Variants in PTK2 observed in about 807,000 individuals in gnomAD.
The protein encoded by PTK2 is protein tyrosine kinase 2, also known as focal adhesion kinase 1.
In PTK2, 45 loss-of-function variants were observed where a neutral mutation model predicts 150.1. The observed-to-expected ratio is 0.30, with a 90% CI of 0.24 to 0.38. The LOEUF (loss-of-function observed/expected upper bound fraction) is 0.38, where lower values mean the gene tolerates loss of function less well. Ranked by LOEUF, PTK2 falls within the 10% of genes least tolerant of loss-of-function variation. PTK2 has a pLI of 1.00. For synonymous variants in PTK2, 432 were observed against 449.2 expected (o/e 0.96, Z 0.48); for missense variants, 919 against 1,307.3 (o/e 0.70, Z 4.58).
intron 2 of PTK2, among the ~76,000 whole-genome samples, chr8:140,901,668 A>C (rs1458773681): frequency 6.7e-6 from 1 of 149,248 alleles, no homozygotes; most frequent in East Asian, 2.0e-4. Context: ...TTTTTTTTTA[A>C]ATACTTTTAA....
chr8:140,815,274 T>C (rs186048708), intron 10 of PTK2, among the ~76,000 whole-genome samples: 1 of 149,858 alleles, frequency 6.7e-6, no homozygotes, highest in African/African-American at 2.4e-5. Context: ...TGGATGGAGC[T>C]GGAGGCCATT....
chr8:140,996,067 T>C (rs1312867576), intron 1 of PTK2, among the ~76,000 whole-genome samples: 2 of 151,696 alleles, frequency 1.3e-5, no homozygotes, highest in Non-Finnish European at 2.9e-5. Flanking sequence ...AGTGAGACTG[T>C]GTCTCTTAAA....
rs576278103 is a variant in PTK2 at position 140,847,716 on chromosome 8, C to T, written c.451-1038G>A. On this transcript the variant is annotated intron_variant, in intron 5 of 31. Coordinates refer to ENST00000522684, the Ensembl canonical transcript of PTK2. ...TACTTTCATAATACCCTGCATTTTG[C>T]CTCGTTCCTGAAAGTCTAAACTATT... is the stretch of plus-strand genomic sequence containing the variant. Among the ~76,000 whole-genome samples the T allele has an allele frequency of 2.6e-5, 4 of 152,248 alleles. No homozygotes were observed. In the East Asian group the frequency reaches 7.7e-4, roughly 29 times the overall value.
At chr8:140,811,136 C>T (rs2100101296) in intron 10 of PTK2, among the ~76,000 whole-genome samples, 1 of 152,218 alleles carries the variant, frequency 6.6e-6, no homozygotes, top group Non-Finnish European at 1.5e-5. Context: ...AATGCTTTGG[C>T]TGACACCACC....
intron 14 of PTK2, among the ~76,000 whole-genome samples, chr8:140,773,002 T>C (rs1436923293): frequency 2.0e-5 from 3 of 152,192 alleles, no homozygotes; most frequent in African/African-American, 4.8e-5. Flanking sequence ...CTACCTCCAT[T>C]AAGGAGGTTG....
intron 31 of PTK2, among the ~76,000 whole-genome samples, chr8:140,662,172 C>T (rs2081312954): frequency 6.6e-6 from 1 of 152,026 alleles, no homozygotes; most frequent in Non-Finnish European, 1.5e-5. Flanking sequence ...TGGTATACAA[C>T]TGTAATCCCA....
intron 1 of PTK2, among the ~76,000 whole-genome samples, chr8:140,939,753 C>T (rs546858402): frequency 2.6e-5 from 4 of 152,166 alleles, no homozygotes; most frequent in East Asian, 1.9e-4. Flanking sequence ...TAAATCATTT[C>T]GCAAAAGGCT....
intron 2 of PTK2, among the ~76,000 whole-genome samples, chr8:140,904,846 C>A (rs971305745): frequency 6.6e-6 from 1 of 151,956 alleles, no homozygotes; most frequent in Non-Finnish European, 1.5e-5. Flanking sequence ...GTGGTGATAT[C>A]CCCTTTATCA....
At chr8:140,742,931 T>C (rs2100056574) in intron 20 of PTK2, among the ~76,000 whole-genome samples, 1 of 152,246 alleles carries the variant, frequency 6.6e-6, no homozygotes, top group African/African-American at 2.4e-5. Context: ...ATCCCTGGCC[T>C]AGCCCTAGAT....
intron 10 of PTK2, among the ~76,000 whole-genome samples, chr8:140,815,223 C>CA (rs775197648): frequency 0.021 from 2,709 of 131,966 alleles, 35 homozygotes; most frequent in Non-Finnish European, 0.03. Context: ...ATTATGCAGC[C>CA]AAAAAAAAAA....
At chr8:140,967,376 G>C (rs889749349) in intron 1 of PTK2, among the ~76,000 whole-genome samples, 2 of 152,130 alleles carry the variant, frequency 1.3e-5, no homozygotes, top group East Asian at 3.9e-4. Context: ...TAAACAAGTA[G>C]GATGAGCCCC....
At chr8:140,998,547 A>G (rs1004687885) in intron 1 of PTK2, among the ~76,000 whole-genome samples, 9 of 152,054 alleles carry the variant, frequency 5.9e-5, no homozygotes, top group African/African-American at 2.2e-4. Context: ...GGCCAGGCGC[A>G]GTGGCTCACG....
chr8:140,825,399 A>G lies in PTK2; in HGVS notation c.648+5073T>C, dbSNP rs137862866. 3.6e-3 allele frequency among the ~76,000 whole-genome samples: 546 copies of G among 152,284 alleles called. 3 individuals carry two copies. The highest frequency in any genetic ancestry group is 0.012 in the African/African-American group (518 of 41,544). ...CATCCTAGAAATGAAAATAATGACT[A>G]TTTTCTCCAAGAATAAAATCATGTG... On this transcript the variant is annotated intron_variant, in intron 8 of 31. Transcript: ENST00000522684.
rs148644727 is a variant in PTK2 at position 140,811,699 on chromosome 8, T to C, written c.867+6578A>G. Reference sequence around the variant, plus strand: ...ACAATACAGGAGCTGAGAGAAAAAATAGCCAGAATAGAAAAGAACATAATC... The same window carrying C: ...ACAATACAGGAGCTGAGAGAAAAAACAGCCAGAATAGAAAAGAACATAATC... On this transcript the variant is annotated intron_variant, in intron 10 of 31. Transcript: ENST00000522684. Among the ~76,000 whole-genome samples, 353 of 151,910 alleles carry C rather than the reference T, an allele frequency of 2.3e-3. 4 individuals carry two copies. The highest frequency in any genetic ancestry group is 7.7e-3 in the African/African-American group (320 of 41,398).
chr8:140,944,974 T>C (rs2100177186), intron 1 of PTK2, among the ~76,000 whole-genome samples: 1 of 152,188 alleles, frequency 6.6e-6, no homozygotes, highest in African/African-American at 2.4e-5. Flanking sequence ...TAGACGAAAG[T>C]TGTGCTTACA....
chr8:140,714,451 T>C (rs1397778568), intron 23 of PTK2, among the ~76,000 whole-genome samples: 1 of 150,334 alleles, frequency 6.7e-6, no homozygotes, highest in Non-Finnish European at 1.5e-5. Flanking sequence ...ACCCCATCTT[T>C]ATTTAAAAAA....
intron 1 of PTK2, among the ~76,000 whole-genome samples, chr8:140,945,110 C>T (rs1186329768): frequency 1.3e-5 from 2 of 152,206 alleles, no homozygotes; most frequent in Admixed American, 1.3e-4. Context: ...AGTGGTACTA[C>T]AGCACTCATT....
intron 4 of PTK2, chr8:140,879,156 C>T (rs2100147450): frequency 2.0e-5 from 4 of 196,786 alleles, no homozygotes; most frequent in Admixed American, 1.7e-4. Context: ...CATACACACA[C>T]ACATATATAT....
intron 4 of PTK2, among the ~76,000 whole-genome samples, chr8:140,873,503 T>C (rs955763220): frequency 6.6e-6 from 1 of 152,206 alleles, no homozygotes; most frequent in African/African-American, 2.4e-5. Context: ...TCTCGCTCTG[T>C]CGCCTAGGCT....
Sources: allele counts gnomAD v4.1 joint callset (sites outside exome capture counted in the v4.1 genomes callset), GRCh38; gene constraint gnomAD v4.1.1; transcripts MANE v1.5; gene names NCBI Gene and HGNC (gene_info 2026-07-23, HGNC 2026-07-21).